The following ASB15 variants were observed in gnomAD, a reference collection of about 807,000 sequenced individuals.
ASB15 encodes ankyrin repeat and SOCS box containing 15, also known as ankyrin repeat and SOCS box protein 15.
ASB15 carries 54 observed loss-of-function variants against 58.0 expected under a neutral mutation model. That is an observed-to-expected ratio of 0.93 (90% CI 0.75 to 1.17). ASB15 has a LOEUF of 1.17. Ranked by LOEUF, ASB15 falls within the 50% of genes most tolerant of loss-of-function variation. ASB15 has a pLI of 0.00. For synonymous variants in ASB15, 249 were observed against 262.4 expected (o/e 0.95, Z 0.50); for missense variants, 680 against 707.4 (o/e 0.96, Z 0.44).
chr7:123,639,100 T>A lies in ASB15; in HGVS notation c.*2119T>A, dbSNP rs1359962262. ...TGCTATTATTCTTAGATTTTAATAG[T>A]GTATTTTTCTTATATTTATTTTTAC... is the stretch of plus-strand genomic sequence containing the variant. On this transcript the variant is annotated 3_prime_UTR_variant, in exon 12 of 12. Transcript: ENST00000451215. 1 of 151,572 alleles carries A rather than the reference T, an allele frequency of 6.6e-6. No homozygotes were observed. The highest frequency in any genetic ancestry group is 2.4e-5 in the African/African-American group (1 of 41,406). 9.4% of individuals were successfully genotyped at this position (151,572 alleles called of 1,614,324 possible).
At chr7:123,621,646 T>C (rs1375338255) in intron 7 of ASB15, 3 of 152,224 alleles carry the variant, frequency 2.0e-5, no homozygotes, top group African/African-American at 7.2e-5. Flanking sequence ...GAGATATCCT[T>C]AGAGGGCCAA....
intron 1 of ASB15, among the ~76,000 whole-genome samples, chr7:123,582,320 G>A (rs547971768): frequency 1.1e-4 from 16 of 151,878 alleles, no homozygotes; most frequent in Admixed American, 2.0e-4. Context: ...GAGTGCTTCA[G>A]AATGTTAAGA....
intron 7 of ASB15, chr7:123,620,231 G>T (rs1227308252): frequency 1.3e-5 from 2 of 151,862 alleles, no homozygotes; most frequent in East Asian, 3.9e-4. Context: ...ACCACACCTT[G>T]GGGCAACGGA....
intron 1 of ASB15, among the ~76,000 whole-genome samples, chr7:123,573,708 G>T (rs1199540361): frequency 6.6e-6 from 1 of 152,010 alleles, no homozygotes; most frequent in Non-Finnish European, 1.5e-5. Flanking sequence ...TATCCTTCCA[G>T]GAGTGGAGTA....
At chr7:123,635,963 T>A (rs1802407575) in intron 11 of ASB15, among the ~76,000 whole-genome samples, 1 of 152,146 alleles carries the variant, frequency 6.6e-6, no homozygotes, top group Non-Finnish European at 1.5e-5. Flanking sequence ...TGACAGTTAA[T>A]ATTTATCGAA....
chr7:123,624,934 T>TG (rs1801675904), intron 8 of ASB15, 120 bp downstream of exon 8: 1 of 1,276,924 alleles, frequency 7.8e-7, no homozygotes, highest in Admixed American at 2.4e-5. Context: ...CTCTGCTGAA[T>TG]GGAACTTGGC....
At chr7:123,627,431 G>T in intron 9 of ASB15, 150 bp downstream of exon 9, 1 of 603,068 alleles carries the variant, frequency 1.7e-6, no homozygotes, top group Non-Finnish European at 2.6e-6. Context: ...TAGATATTTA[G>T]AACTTATTTA....
intron 1 of ASB15, among the ~76,000 whole-genome samples, chr7:123,591,526 C>T (rs755755500): frequency 6.6e-6 from 1 of 152,064 alleles, no homozygotes; most frequent in Non-Finnish European, 1.5e-5. Flanking sequence ...TGAAGTTTGT[C>T]GAAGGCCTTT....
chr7:123,599,160 T>G (rs1188616279), upstream of ASB15, among the ~76,000 whole-genome samples: 1 of 152,096 alleles, frequency 6.6e-6, no homozygotes, highest in African/African-American at 2.4e-5. Flanking sequence ...GCCTGAAATA[T>G]ACCAAAGTGA....
chr7:123,581,165 G>C (rs1274798424), intron 1 of ASB15, among the ~76,000 whole-genome samples: 1 of 151,792 alleles, frequency 6.6e-6, no homozygotes, highest in Non-Finnish European at 1.5e-5. Context: ...GTTTCTCTGA[G>C]AGCATGAATG....
chr7:123,639,402 T>C lies in ASB15; in HGVS notation c.*2421T>C, dbSNP rs1802542090. On this transcript the variant is annotated 3_prime_UTR_variant, in exon 12 of 12. Coordinates refer to ENST00000451215, the MANE Select transcript of ASB15 (RefSeq NM_001290258.2). Reference sequence around the variant, plus strand: ...TAAATGTATTGTTACCTAAAAATATTACTCTAATGAATAAAAAATCATATT... The same window carrying C: ...TAAATGTATTGTTACCTAAAAATATCACTCTAATGAATAAAAAATCATATT... 1 of 152,322 alleles carries C rather than the reference T, an allele frequency of 6.6e-6. No homozygotes were observed. Among genetic ancestry groups the C allele is most frequent in the Non-Finnish European group, 1.5e-5 (1 of 68,012 alleles). The allele number at this position is 152,322 out of a possible 1,614,324, so 9.4% of individuals were successfully genotyped here.
chr7:123,621,561 T>C (rs1049479808), intron 7 of ASB15: 7 of 152,168 alleles, frequency 4.6e-5, no homozygotes, highest in Non-Finnish European at 8.8e-5. Flanking sequence ...GGGAAAAAAG[T>C]ATTTCTTCTT....
intron 1 of ASB15, among the ~76,000 whole-genome samples, chr7:123,587,728 G>A (rs1799414746): frequency 1.3e-5 from 2 of 151,636 alleles, no homozygotes; most frequent in Non-Finnish European, 3.0e-5. Context: ...CTAATTAGCT[G>A]AGAGTTTTTA....
rs1356469910 is a variant in ASB15, at chr7:123,638,826, G to C, written c.*1845G>C. The C allele has an allele frequency of 6.6e-6, 1 of 152,176 alleles. No homozygotes were observed. Among genetic ancestry groups the C allele is most frequent in the South Asian group, 2.1e-4 (1 of 4,820 alleles). The allele number at this position is 152,176 out of a possible 1,614,324, so 9.4% of individuals were successfully genotyped here. On this transcript the variant is annotated 3_prime_UTR_variant, in exon 12 of 12. Coordinates refer to ENST00000451215, the MANE Select transcript of ASB15 (RefSeq NM_001290258.2). ...GATGGGAAGCCTCAGCACAGAACTTGTCATGCCATATTATAGATGCCTGTG... is the reference window on the plus strand; with the variant it reads ...GATGGGAAGCCTCAGCACAGAACTTCTCATGCCATATTATAGATGCCTGTG...
intron 11 of ASB15, among the ~76,000 whole-genome samples, chr7:123,630,668 G>A (rs1238659518): frequency 6.6e-6 from 1 of 152,030 alleles, no homozygotes; most frequent in Non-Finnish European, 1.5e-5. Context: ...AAGTTTCAAT[G>A]AAAGTACATT....
intron 2 of ASB15, among the ~76,000 whole-genome samples, chr7:123,606,598 C>A (rs1023412919): frequency 2.0e-5 from 3 of 152,196 alleles, no homozygotes; most frequent in East Asian, 3.8e-4. Context: ...TCCTGCTTAA[C>A]TGAAATTTGT....
chr7:123,584,662 A>G (rs915529204), intron 1 of ASB15, among the ~76,000 whole-genome samples: 1 of 152,034 alleles, frequency 6.6e-6, no homozygotes, highest in Non-Finnish European at 1.5e-5. Context: ...TCTAAAATGC[A>G]GCTGAATAAA....
Position 123,630,084 on chromosome 7 carries a change from T to C in ASB15, c.1559T>C (p.Val520Ala). ...LCAKLKSALE[V>A]QREWPEIRQI... ...GCTAAACTGAAGTCTGCACTAGAAG[T>C]ACAGAGAGAATGGCCAGAAATCCGC... Residue 520 changes from valine to alanine, a missense_variant, in exon 11 of 12, where the codon GTA becomes GCA. Val to Ala is a moderately conservative substitution (Grantham distance 64). Coordinates refer to ENST00000451215, the MANE Select transcript of ASB15 (RefSeq NM_001290258.2). 6.2e-7 allele frequency: 1 copy of C among 1,600,910 alleles called. No individual in the cohort carries two copies. Among genetic ancestry groups the C allele is most frequent in the Non-Finnish European group, 8.5e-7 (1 of 1,172,034 alleles).
chr7:123,575,816 C>CTTT (rs71531935), intron 1 of ASB15, among the ~76,000 whole-genome samples: 82 of 136,814 alleles, frequency 6.0e-4, no homozygotes, highest in East Asian at 1.9e-3. Flanking sequence ...ATGAAGTTTT[C>CTTT]TTTTTTTTTT....
Sources: gnomAD v4.1 joint callset for allele counts (sites outside exome capture counted in the v4.1 genomes callset) on GRCh38, gnomAD v4.1.1 for gene constraint, MANE v1.5 for transcripts, NCBI Gene and HGNC (gene_info 2026-07-23, HGNC 2026-07-21) for gene names.